Variants in SETD3 observed in about 807,000 individuals in gnomAD.
SETD3 encodes SET domain containing 3, actin N3(tau)-histidine methyltransferase.
A neutral mutation model predicts 63.0 loss-of-function variants in SETD3; 19 were observed. That is an observed-to-expected ratio of 0.30 (90% CI 0.21 to 0.44). The LOEUF (loss-of-function observed/expected upper bound fraction) is 0.44, where lower values mean the gene tolerates loss of function less well. SETD3 is among the 20% of genes least tolerant of loss of function. The probability of loss-of-function intolerance (pLI) is 1.00; values close to 1 mark genes in which losing one functional copy is unlikely to be tolerated. For synonymous variants in SETD3, 286 were observed against 264.1 expected (o/e 1.08, Z -0.80); for missense variants, 587 against 728.5 (o/e 0.81, Z 2.24).
chr14:99,403,486 CTCTTTCTCTCTCTT>C (rs1566871776), intron 11 of SETD3, among the ~76,000 whole-genome samples: 20 of 137,266 alleles, frequency 1.5e-4, no homozygotes, highest in African/African-American at 5.9e-4. Context: ...CTCTCTCTCT[CTCTTTCTCTCTCTT>C]AAAAATGAAA....
In SETD3 at chr14:99,447,589, C is replaced by T. The variant is rs940742205; in HGVS notation, c.675+10690G>A. ...GTCAGCTATCACGAACAGGCAAGGTCACAGGTCAGGGCATTTCACCAAGAC... is the reference window on the plus strand; with the variant it reads ...GTCAGCTATCACGAACAGGCAAGGTTACAGGTCAGGGCATTTCACCAAGAC... On this transcript the variant is annotated intron_variant, in intron 6 of 12. Transcript: ENST00000331768. Among the ~76,000 whole-genome samples the T allele has an allele frequency of 5.3e-5, 8 of 152,320 alleles. No homozygotes were observed. The East Asian group carries it at 1.4e-3, about 26-fold the overall frequency.
intron 4 of SETD3, 22 bp downstream of exon 4, chr14:99,461,170 G>T: frequency 6.2e-7 from 1 of 1,613,338 alleles, no homozygotes; most frequent in South Asian, 1.1e-5. Flanking sequence ...GACCCCTTGA[G>T]ACCAACATTT....
rs112695949 is a variant in SETD3 at position 99,472,250 on chromosome 14, G to C, written c.-8-6437C>G. 3.0e-3 allele frequency among the ~76,000 whole-genome samples: 457 copies of C among 152,224 alleles called. 1 individual carries two copies. Among genetic ancestry groups the C allele is most frequent in the Non-Finnish European group, 5.6e-3 (380 of 68,012 alleles). On this transcript the variant is annotated intron_variant, in intron 1 of 12. Transcript: ENST00000331768. ...ACACATAAGTAACTAAACATAGAAG[G>C]GCAAGAAATAAAGTACAATTCAAGA...
intron 8 of SETD3, among the ~76,000 whole-genome samples, chr14:99,407,315 G>A (rs567462317): frequency 6.6e-6 from 1 of 152,232 alleles, no homozygotes; most frequent in East Asian, 1.9e-4. Flanking sequence ...CATGGCCTCA[G>A]CACACAAGTT....
At chr14:99,411,785 G>A (rs967002363) in intron 8 of SETD3, 1 of 152,226 alleles carries the variant, frequency 6.6e-6, no homozygotes, top group Admixed American at 6.5e-5. Context: ...TATAAAACAT[G>A]CTATTATGTT....
In SETD3 at chr14:99,458,426, A is replaced by AT; in HGVS notation, c.527_528insA (p.Gln177SerfsTer6). 1 of 1,614,088 alleles carries AT rather than the reference A, an allele frequency of 6.2e-7. No homozygotes were observed. The highest frequency in any genetic ancestry group is 1.1e-5 in the South Asian group (1 of 91,086). On this transcript the variant is annotated frameshift_variant, in exon 6 of 13. Coordinates refer to ENST00000331768, the MANE Select transcript of SETD3 (RefSeq NM_032233.3). LOFTEE classifies it high-confidence loss of function. ...TGTCATATTCACTGGGGAGGGTTTGAATATAGGGCTGCCAGAAGGAGTTAG... is the reference window on the plus strand; with the variant it reads ...TGTCATATTCACTGGGGAGGGTTTGATATATAGGGCTGCCAGAAGGAGTTAG...
intron 6 of SETD3, among the ~76,000 whole-genome samples, chr14:99,429,428 C>CT (rs1468271979): frequency 1.3e-5 from 2 of 152,120 alleles, no homozygotes; most frequent in Non-Finnish European, 2.9e-5. Flanking sequence ...AGGGGAAACT[C>CT]TGAGATGGAA....
chr14:99,473,932 T>C (rs1485134673), intron 1 of SETD3, among the ~76,000 whole-genome samples: 5 of 152,222 alleles, frequency 3.3e-5, no homozygotes, highest in Non-Finnish European at 7.3e-5. Context: ...GTTCTGGCTT[T>C]GCACAGTAGC....
At chr14:99,441,278 GTGCTTCT>G (rs1406185737) in intron 6 of SETD3, among the ~76,000 whole-genome samples, 2 of 152,214 alleles carry the variant, frequency 1.3e-5, no homozygotes, top group Non-Finnish European at 2.9e-5. Flanking sequence ...ACCTAATCAG[GTGCTTCT>G]GTGTGCACAG....
At chr14:99,431,291 T>C (rs973144532) in intron 6 of SETD3, among the ~76,000 whole-genome samples, 3 of 152,198 alleles carry the variant, frequency 2.0e-5, no homozygotes, top group East Asian at 1.9e-4. Flanking sequence ...AAGGCAGTGA[T>C]TGGCAACCCC....
At chr14:99,479,650 C>T (rs981837613) in intron 1 of SETD3, among the ~76,000 whole-genome samples, 5 of 152,152 alleles carry the variant, frequency 3.3e-5, no homozygotes, top group Non-Finnish European at 7.3e-5. Flanking sequence ...TTTCAGTGTC[C>T]GGTTCTGAGT....
chr14:99,404,294 A>G lies in SETD3; in HGVS notation c.1108T>C (p.Leu370=). 1.2e-6 allele frequency: 2 copies of G among 1,614,142 alleles called. No individual in the cohort carries two copies. Among genetic ancestry groups the G allele is most frequent in the Non-Finnish European group, 1.7e-6 (2 of 1,179,996 alleles). Residue 370 remains leucine, a synonymous_variant, in exon 11 of 13, where the codon TTG becomes CTG. Transcript: ENST00000331768. The stretch of plus-strand genomic sequence containing the variant: ...GAGATGGGCGGCTCGGTAAAATGCA[A>G]TGCAAAAACACTGGAACTGATAAAA... The part of the protein sequence containing the change: ...AGIPTSSVFA[L]HFTEPPISAQ...
chr14:99,477,581 C>T (rs973026083), intron 1 of SETD3, among the ~76,000 whole-genome samples: 1 of 151,888 alleles, frequency 6.6e-6, no homozygotes, highest in Middle Eastern at 3.2e-3. Flanking sequence ...ATGGAGAAAC[C>T]CTTTCTCTAT....
chr14:99,442,261 G>C (rs1168327637), intron 6 of SETD3, among the ~76,000 whole-genome samples: 1 of 152,164 alleles, frequency 6.6e-6, no homozygotes, highest in African/African-American at 2.4e-5. Context: ...ACAGTTTCTG[G>C]CTGAGTTTTA....
At chr14:99,448,411 C>A (rs958712434) in intron 6 of SETD3, among the ~76,000 whole-genome samples, 1 of 152,124 alleles carries the variant, frequency 6.6e-6, no homozygotes, top group South Asian at 2.1e-4. Flanking sequence ...GGGTTTCCTA[C>A]GACGTGGAAA....
At chr14:99,453,925 C>A (rs571403999) in intron 6 of SETD3, among the ~76,000 whole-genome samples, 130 of 152,048 alleles carry the variant, frequency 8.5e-4, no homozygotes, top group Non-Finnish European at 1.5e-3. Context: ...ACATTTTCTT[C>A]TTCTGAAAAA....
Position 99,406,601 on chromosome 14 carries a change from G to A in SETD3, c.850-11C>T. On this transcript the variant is annotated splice_polypyrimidine_tract_variant and intron_variant, in intron 8 of 12. Coordinates refer to ENST00000331768, the MANE Select transcript of SETD3 (RefSeq NM_032233.3). ...GTAACCAGTAGTGATCTAGCCCGGG[G>A]AGGAGGAAGGAAATGATGGTGAGGC... 6.2e-7 allele frequency: 1 copy of A among 1,613,448 alleles called. No homozygotes were observed. The highest frequency in any genetic ancestry group is 2.2e-5 in the East Asian group (1 of 44,884).
At chr14:99,460,162 G>GTT (rs35620095) in intron 4 of SETD3, among the ~76,000 whole-genome samples, 2 of 151,884 alleles carry the variant, frequency 1.3e-5, no homozygotes, top group Non-Finnish European at 2.9e-5. Flanking sequence ...GAAGAGACTG[G>GTT]TTTTTTTGGA....
At chr14:99,450,577 T>C (rs999920181) in intron 6 of SETD3, among the ~76,000 whole-genome samples, 13 of 152,198 alleles carry the variant, frequency 8.5e-5, no homozygotes, top group African/African-American at 3.1e-4. Context: ...TCGAGGAAGA[T>C]GGCCAACTTG....
Sources: allele counts gnomAD v4.1 joint callset (sites outside exome capture counted in the v4.1 genomes callset), GRCh38; gene constraint gnomAD v4.1.1; transcripts MANE v1.5; gene names NCBI Gene and HGNC (gene_info 2026-07-23, HGNC 2026-07-21).